RLIM: variants seen among roughly 807,000 people sequenced by gnomAD.
RLIM encodes E3 ubiquitin-protein ligase RLIM.
RLIM carries 2 observed loss-of-function variants against 34.0 expected under a neutral mutation model. The ratio of observed to expected loss-of-function variants is 0.06; its 90% CI spans 0.02 to 0.19. The LOEUF is 0.19. Among genes scored for constraint, RLIM ranks in the 10% least tolerant of loss-of-function variants. The pLI, the probability that RLIM is intolerant of heterozygous loss-of-function variation, is 1.00. For synonymous variants in RLIM, 169 were observed against 164.0 expected, an observed-to-expected ratio of 1.03 and a Z score of -0.23; for missense variants, 286 against 479.7, an observed-to-expected ratio of 0.60 and a Z score of 3.77.
In RLIM at chrX:74,584,885, T is replaced by C. The variant is rs1342210707; in HGVS notation, c.*6555A>G. 8.9e-6 allele frequency among the ~76,000 whole-genome samples: 1 copy of C among 112,163 alleles called. No homozygotes were observed. The highest frequency in any genetic ancestry group is 3.2e-5 in the African/African-American group (1 of 30,886). On this transcript the variant is annotated 3_prime_UTR_variant, in exon 4 of 4. Coordinates refer to ENST00000332687, the MANE Select transcript of RLIM (RefSeq NM_016120.4). ...TAAACTTAAAACCTTGGGAAGGTCA[T>C]GAGTTGAAGAGCTGACTACATCAAA...
At chrX:74,594,485 A>G (rs757008404) in intron 2 of RLIM, 96 bp from the exon 3 acceptor site, 40 of 535,340 alleles carry the variant, frequency 7.5e-5, no homozygotes, top group Middle Eastern at 3.6e-4. Flanking sequence ...AGATGATTAG[A>G]AAAAAAATCA....
At chrX:74,606,500 A>C (rs2079682636) in intron 1 of RLIM, among the ~76,000 whole-genome samples, 1 of 112,228 alleles carries the variant, frequency 8.9e-6, no homozygotes, top group Admixed American at 9.5e-5. Context: ...TATTAATATA[A>C]ATTATGCAAA....
chrX:74,611,216 T>C (rs1222005698), intron 1 of RLIM, among the ~76,000 whole-genome samples: 3 of 111,975 alleles, frequency 2.7e-5, no homozygotes, highest in Non-Finnish European at 5.6e-5. Flanking sequence ...ATTCTCTAAT[T>C]TGTCATCCAC....
chrX:74,593,317 C>A (rs1389921806), intron 3 of RLIM, among the ~76,000 whole-genome samples: 1 of 112,282 alleles, frequency 8.9e-6, no homozygotes, highest in Non-Finnish European at 1.9e-5. Flanking sequence ...AGTCTATTTT[C>A]AGTATTTTAT....
rs879155337 is a variant in RLIM, at chrX:74,583,071, G to A, written c.*8369C>T. ...TTTGGTGAAGCACAAGTTTCTTTTCGTGGTCCCTGATCAATTTTAAACAGT... is the reference window on the plus strand; with the variant it reads ...TTTGGTGAAGCACAAGTTTCTTTTCATGGTCCCTGATCAATTTTAAACAGT... On this transcript the variant is annotated 3_prime_UTR_variant, in exon 4 of 4. Coordinates refer to ENST00000332687, the MANE Select transcript of RLIM (RefSeq NM_016120.4). 31 of 1,031,996 alleles carry A rather than the reference G, an allele frequency of 3.0e-5. No individual in the cohort carries two copies. The South Asian group carries it at 3.3e-4, about 11-fold the overall frequency. 85.0% of individuals were successfully genotyped at this position (1,031,996 alleles called of 1,213,427 possible).
At chrX:74,609,853 A>G (rs1035687753) in intron 1 of RLIM, among the ~76,000 whole-genome samples, 1 of 111,843 alleles carries the variant, frequency 8.9e-6, no homozygotes, top group Non-Finnish European at 1.9e-5. Flanking sequence ...TTTTCCTCCT[A>G]TAGTCAAGGG....
At chrX:74,600,189 A>G (rs1366310767) in intron 1 of RLIM, among the ~76,000 whole-genome samples, 2 of 111,252 alleles carry the variant, frequency 1.8e-5, no homozygotes, top group Non-Finnish European at 3.8e-5. Context: ...AGATTATACT[A>G]CATAAACTTC....
At chrX:74,607,253 T>A (rs1451730131) in intron 1 of RLIM, among the ~76,000 whole-genome samples, 1 of 112,294 alleles carries the variant, frequency 8.9e-6, no homozygotes, top group Non-Finnish European at 1.9e-5. Flanking sequence ...ATGTTGAATA[T>A]TTCACCTTGT....
At chrX:74,598,733 C>T (rs1329299070) in intron 1 of RLIM, among the ~76,000 whole-genome samples, 1 of 103,574 alleles carries the variant, frequency 9.7e-6, no homozygotes, top group Admixed American at 1.1e-4. Context: ...GAGCAGAGAT[C>T]GCGCCACTGC....
At chrX:74,606,679 G>T (rs916096569) in intron 1 of RLIM, among the ~76,000 whole-genome samples, 3 of 111,727 alleles carry the variant, frequency 2.7e-5, no homozygotes, top group African/African-American at 9.8e-5. Context: ...ATAAACACAG[G>T]CATGTTATAT....
chrX:74,607,669 A>T (rs1318329398), intron 1 of RLIM, among the ~76,000 whole-genome samples: 4 of 112,868 alleles, frequency 3.5e-5, no homozygotes, highest in African/African-American at 1.3e-4. Context: ...AGATCGTGCC[A>T]TTGCACTCCA....
At chrX:74,610,053 A>C (rs2079702016) in intron 1 of RLIM, among the ~76,000 whole-genome samples, 1 of 112,489 alleles carries the variant, frequency 8.9e-6, no homozygotes, top group African/African-American at 3.2e-5. Context: ...GTAATGCACC[A>C]AGTGCTCTCT....
At chrX:74,608,332 C>T (rs774162251) in intron 1 of RLIM, among the ~76,000 whole-genome samples, 3 of 110,002 alleles carry the variant, frequency 2.7e-5, no homozygotes, top group African/African-American at 9.9e-5. Flanking sequence ...AGGACATAAG[C>T]TTATAAGCTC....
rs1174480945 is a variant in RLIM, at chrX:74,583,542, G to T, written c.*7898C>A. On this transcript the variant is annotated 3_prime_UTR_variant, in exon 4 of 4. Coordinates refer to ENST00000332687, the MANE Select transcript of RLIM (RefSeq NM_016120.4). ...ACGTGGACCCATTGTCTGTGTTGAT[G>T]AATTCACCAAATTTTTATTCCAGTC... 7.6e-6 allele frequency: 4 copies of T among 529,457 alleles called. No individual in the cohort carries two copies. The highest frequency in any genetic ancestry group is 1.4e-5 in the Non-Finnish European group (4 of 294,330). The allele number at this position is 529,457 out of a possible 1,213,427, so 43.6% of individuals were successfully genotyped here.
Position 74,585,543 on chromosome X carries a change from T to C in RLIM, c.*5897A>G, listed in dbSNP as rs1453915076. ...TATATTTTAAATCTGCAGTATGACA[T>C]CTTACATAGGGAAAAAAGCTTCTTC... is the stretch of plus-strand genomic sequence containing the variant. On this transcript the variant is annotated 3_prime_UTR_variant, in exon 4 of 4. Transcript: ENST00000332687. 1.8e-5 allele frequency: 2 copies of C among 112,127 alleles called. No individual in the cohort carries two copies. Among genetic ancestry groups the C allele is most frequent in the Admixed American group, 9.5e-5 (1 of 10,493 alleles). The allele number at this position is 112,127 out of a possible 1,213,427, so 9.2% of individuals were successfully genotyped here.
intron 1 of RLIM, among the ~76,000 whole-genome samples, chrX:74,610,485 T>C (rs771232607): frequency 4.6e-4 from 50 of 109,004 alleles, no homozygotes; most frequent in Non-Finnish European, 8.4e-4. Flanking sequence ...AAAAAACCCT[T>C]GTGTTGGAAC....
At chrX:74,597,619 G>T (rs1319501955) in intron 1 of RLIM, among the ~76,000 whole-genome samples, 2 of 112,025 alleles carry the variant, frequency 1.8e-5, no homozygotes, top group Admixed American at 1.9e-4. Flanking sequence ...AAAAGACCTA[G>T]TTGGACAAAT....
At chrX:74,613,057 T>G (rs1196905360) in intron 1 of RLIM, among the ~76,000 whole-genome samples, 1 of 110,682 alleles carries the variant, frequency 9.0e-6, no homozygotes, top group Non-Finnish European at 1.9e-5. Flanking sequence ...AAATCAAGTT[T>G]TAAAAAGTGG....
chrX:74,589,667 C>A lies in RLIM; in HGVS notation c.*1773G>T, dbSNP rs1221335545. ...GTACCCAGACAATTCCTAAAGCAGA[C>A]TTGTTTATTTTGTAGAGTATTTGAC... is the stretch of plus-strand genomic sequence containing the variant. On this transcript the variant is annotated 3_prime_UTR_variant, in exon 4 of 4. Coordinates refer to ENST00000332687, the MANE Select transcript of RLIM (RefSeq NM_016120.4). The A allele has an allele frequency of 1.8e-5, 2 of 112,163 alleles. No individual in the cohort carries two copies. The highest frequency in any genetic ancestry group is 1.9e-5 in the Non-Finnish European group (1 of 53,187). The allele number at this position is 112,163 out of a possible 1,213,427, so 9.2% of individuals were successfully genotyped here.
Sources: gnomAD v4.1 joint callset for allele counts (sites outside exome capture counted in the v4.1 genomes callset) on GRCh38, gnomAD v4.1.1 for gene constraint, MANE v1.5 for transcripts, NCBI Gene and HGNC (gene_info 2026-07-23, HGNC 2026-07-21) for gene names.